The following FOCAD variants were observed in gnomAD, a reference collection of about 807,000 sequenced individuals.
The protein encoded by FOCAD is KIAA1797.
Under a neutral mutation model 225.6 loss-of-function variants are expected in FOCAD, and 198 were observed. That is an observed-to-expected ratio of 0.88 (90% CI 0.78 to 0.99). The LOEUF is 0.99. FOCAD is among the 50% of genes least tolerant of loss of function. The probability of loss-of-function intolerance (pLI) is 0.00; values close to 1 mark genes in which losing one functional copy is unlikely to be tolerated. For missense variants in FOCAD, 2,713 were observed against 2,123.6 expected (o/e 1.28, Z -5.46); for synonymous variants, 897 against 755.0 (o/e 1.19, Z -3.08).
At chr9:20,978,047 T>C (rs184401256) in intron 36 of FOCAD, among the ~76,000 whole-genome samples, 8 of 152,336 alleles carry the variant, frequency 5.3e-5, no homozygotes, top group Non-Finnish European at 1.2e-4. Flanking sequence ...TAGCTAGAAT[T>C]TTCTCATATT....
intron 15 of FOCAD, among the ~76,000 whole-genome samples, chr9:20,840,097 C>T (rs1331271583): frequency 6.6e-6 from 1 of 152,028 alleles, no homozygotes; most frequent in Non-Finnish European, 1.5e-5. Context: ...TAATGTGATT[C>T]CTCCAGTTTT....
intron 1 of FOCAD, among the ~76,000 whole-genome samples, chr9:20,698,366 ACACACACACACG>A (rs955798147): frequency 6.6e-6 from 1 of 150,892 alleles, no homozygotes; most frequent in Non-Finnish European, 1.5e-5. Flanking sequence ...ATATGTGTAT[ACACACACACACG>A]CACACACACA....
intron 6 of FOCAD, among the ~76,000 whole-genome samples, chr9:20,762,774 G>C (rs1018114054): frequency 6.6e-6 from 1 of 151,996 alleles, no homozygotes; most frequent in African/African-American, 2.4e-5. Context: ...CTGTCACCCC[G>C]TAGTGAACAA....
intron 19 of FOCAD, among the ~76,000 whole-genome samples, chr9:20,881,622 C>T (rs1170881160): frequency 6.6e-6 from 1 of 152,056 alleles, no homozygotes; most frequent in Non-Finnish European, 1.5e-5. Flanking sequence ...AAGGTGGAAT[C>T]AGAAGGACTT....
At chr9:20,798,683 C>T (rs199568906) in intron 11 of FOCAD, among the ~76,000 whole-genome samples, 2 of 151,884 alleles carry the variant, frequency 1.3e-5, no homozygotes, top group South Asian at 2.1e-4. Flanking sequence ...TCTGTGGGGT[C>T]GGTGGTGATA....
Position 20,929,494 on chromosome 9 carries a change from G to C in FOCAD, c.3215G>C (p.Arg1072Thr), listed in dbSNP as rs772221678. ...GAAATCCTGAACATGCTGACTGCCA[G>C]GTTACCTGGGAAACCAAGTGCTGAT... ...VEEILNMLTA[R>T]LPGKPSADES... Residue 1072 changes from arginine to threonine, a missense_variant, in exon 27 of 44, where the codon AGG becomes ACG. Transcript: ENST00000338382. 2 of 1,614,142 alleles carry C rather than the reference G, an allele frequency of 1.2e-6. No individual in the cohort carries two copies. The highest frequency in any genetic ancestry group is 1.7e-6 in the Non-Finnish European group (2 of 1,180,010).
intron 11 of FOCAD, among the ~76,000 whole-genome samples, chr9:20,798,706 T>A (rs1821422129): frequency 6.6e-6 from 1 of 152,168 alleles, no homozygotes; most frequent in Admixed American, 6.5e-5. Context: ...CCCTTTATCA[T>A]TTTTTATTGC....
At chr9:20,857,406 T>G (rs1443280294) in intron 15 of FOCAD, among the ~76,000 whole-genome samples, 1 of 152,074 alleles carries the variant, frequency 6.6e-6, no homozygotes, top group Non-Finnish European at 1.5e-5. Flanking sequence ...TGTCCATTGT[T>G]GGCATATAGA....
At position 20,758,121 on chromosome 9, in the gene FOCAD, G is replaced by C. The variant is rs199773082; in HGVS notation, c.424G>C (p.Glu142Gln). 1.2e-5 allele frequency: 19 copies of C among 1,611,342 alleles called. No homozygotes were observed. Among genetic ancestry groups the C allele is most frequent in the Non-Finnish European group, 1.4e-5 (17 of 1,179,012 alleles). ...TCCTCATCCTTTGATAACTGTGCTT[G>C]AACACAGACCTGATTGCTGGCCAGT... ...NHPHPLITVL[E>Q]HRPDCWPVFL... is the part of the protein sequence containing the mutation. Residue 142 changes from glutamate (E) to glutamine (Q), a missense_variant, in exon 6 of 44, where the codon GAA (glutamate) becomes CAA (glutamine). Coordinates refer to ENST00000338382, the MANE Select transcript of FOCAD (RefSeq NM_001375567.1).
chr9:20,988,533 A>AT, intron 41 of FOCAD, 104 bp downstream of exon 41: 1 of 225,476 alleles, frequency 4.4e-6, no homozygotes, highest in East Asian at 1.4e-4. Context: ...AAAAACTGCA[A>AT]TTACTTTTGC....
chr9:20,938,225 A>G (rs1294531044), intron 28 of FOCAD, among the ~76,000 whole-genome samples: 1 of 152,216 alleles, frequency 6.6e-6, no homozygotes, highest in Non-Finnish European at 1.5e-5. Context: ...CCATTCCATT[A>G]CTGGGTATAT....
chr9:20,717,721 T>C, intron 2 of FOCAD, 73 bp from the exon 3 acceptor site: 1 of 1,118,132 alleles, frequency 8.9e-7, no homozygotes, highest in Non-Finnish European at 1.3e-6. Context: ...CCTGGCATAC[T>C]CATATCAACT....
intron 5 of FOCAD, among the ~76,000 whole-genome samples, chr9:20,743,211 G>T (rs1370037639): frequency 6.6e-6 from 1 of 152,118 alleles, no homozygotes; most frequent in African/African-American, 2.4e-5. Flanking sequence ...AGCATAAAAG[G>T]GATATGAGAA....
chr9:20,993,407 G>C lies in FOCAD; in HGVS notation c.5332+79G>C, dbSNP rs1841830024. The C allele has an allele frequency of 1.3e-5, 16 of 1,212,434 alleles. No individual in the cohort carries two copies. In the South Asian group the frequency reaches 1.8e-4, roughly 13 times the overall value. 75.1% of individuals were successfully genotyped at this position (1,212,434 alleles called of 1,614,324 possible). On this transcript the variant is annotated intron_variant, in intron 43 of 43. Transcript: ENST00000338382. ...TGTGGAGCAGAATGGCATTCTAGTG[G>C]TTGCAGGTTGAGTATCTCTTACCCG...
chr9:20,716,218 G>A (rs1212429613), intron 2 of FOCAD: 1 of 413,818 alleles, frequency 2.4e-6, no homozygotes, highest in South Asian at 2.0e-5. Flanking sequence ...TTACCATGAA[G>A]AAGAAGATGA....
chr9:20,940,090 A>T (rs182299962), intron 28 of FOCAD, among the ~76,000 whole-genome samples: 1 of 152,200 alleles, frequency 6.6e-6, no homozygotes, highest in Admixed American at 6.5e-5. Flanking sequence ...CTATATTGAG[A>T]GAGAGACGGG....
At chr9:20,929,022 G>GT (rs1052343786) in intron 26 of FOCAD, 5 of 161,206 alleles carry the variant, frequency 3.1e-5, no homozygotes, top group Non-Finnish European at 6.6e-5. Context: ...CTGTTTTTTT[G>GT]TTTTTTTAAT....
intron 19 of FOCAD, 60 bp downstream of exon 19, chr9:20,874,867 G>C: frequency 1.3e-6 from 2 of 1,597,560 alleles, no homozygotes; most frequent in Non-Finnish European, 1.7e-6. Context: ...TTGTCTGATT[G>C]TATTCTTTTG....
At chr9:20,698,436 A>G (rs750805405) in intron 1 of FOCAD, among the ~76,000 whole-genome samples, 14 of 152,100 alleles carry the variant, frequency 9.2e-5, no homozygotes, top group Non-Finnish European at 1.3e-4. Context: ...GTCTTGCTCT[A>G]TGACCCAGGC....
Sources: gnomAD v4.1 joint callset for allele counts (sites outside exome capture counted in the v4.1 genomes callset) on GRCh38, gnomAD v4.1.1 for gene constraint, MANE v1.5 for transcripts, NCBI Gene and HGNC (gene_info 2026-07-23, HGNC 2026-07-21) for gene names.